Variants in PDE8B observed in about 807,000 individuals in gnomAD.
PDE8B encodes high affinity cAMP-specific and IBMX-insensitive 3',5'-cyclic phosphodiesterase 8B.
PDE8B carries 26 observed loss-of-function variants against 101.3 expected under a neutral mutation model. The ratio of observed to expected loss-of-function variants is 0.26; its 90% CI spans 0.19 to 0.36. PDE8B has a LOEUF of 0.36. Among genes scored for constraint, PDE8B ranks in the 10% least tolerant of loss-of-function variants. The probability of loss-of-function intolerance (pLI) is 1.00; values close to 1 mark genes in which losing one functional copy is unlikely to be tolerated. For synonymous variants in PDE8B, 424 were observed against 429.3 expected (o/e 0.99, Z 0.15); for missense variants, 810 against 1,163.1 (o/e 0.70, Z 4.42).
At position 77,211,703 on chromosome 5, in the gene PDE8B, A is replaced by G. The variant is rs933934732; in HGVS notation, c.339+439A>G. On this transcript the variant is annotated intron_variant, in intron 1 of 21. Coordinates refer to ENST00000264917, the MANE Select transcript of PDE8B (RefSeq NM_003719.5). The surrounding 1 kb of genome is among the most constrained non-coding windows in gnomAD (Gnocchi z 4.1). ...GTGCAGTTGCAGCACCAGGATAGATAGTGCCCCATATTCCGATTTTTACCT... is the reference window on the plus strand; with the variant it reads ...GTGCAGTTGCAGCACCAGGATAGATGGTGCCCCATATTCCGATTTTTACCT... Among the ~76,000 whole-genome samples, 1 of 152,230 alleles carries G rather than the reference A, an allele frequency of 6.6e-6. No individual in the cohort carries two copies. Among genetic ancestry groups the G allele is most frequent in the Non-Finnish European group, 1.5e-5 (1 of 68,044 alleles).
chr5:77,366,418 C>T (rs2150613969), intron 10 of PDE8B, among the ~76,000 whole-genome samples: 1 of 152,266 alleles, frequency 6.6e-6, no homozygotes, highest in South Asian at 2.1e-4. Flanking sequence ...AAGCATGTGC[C>T]AGTGTATCAC....
the PDE8B span, chr5:77,087,421 T>C: frequency 6.6e-6 from 1 of 152,260 alleles, no homozygotes; most frequent in African/African-American, 2.4e-5. Context: ...TTTACAACTT[T>C]GCATTAACCT....
the PDE8B span, among the ~76,000 whole-genome samples, chr5:77,199,381 C>G: frequency 6.6e-6 from 1 of 152,206 alleles, no homozygotes; most frequent in African/African-American, 2.4e-5. Context: ...ATCTTAAATA[C>G]TAGCTTGATT....
intron 10 of PDE8B, chr5:77,358,496 T>C (rs757095898): frequency 8.4e-6 from 8 of 952,960 alleles, no homozygotes; most frequent in Non-Finnish European, 1.0e-5. Flanking sequence ...GTTATGCCTC[T>C]TCGTACTTCC....
chr5:77,365,549 G>C (rs1783960897), intron 10 of PDE8B, among the ~76,000 whole-genome samples: 1 of 152,184 alleles, frequency 6.6e-6, no homozygotes, highest in South Asian at 2.1e-4. Context: ...CTGTCTCCTA[G>C]GTCCTGGCAC....
the PDE8B span, among the ~76,000 whole-genome samples, chr5:77,193,962 T>C: frequency 1.3e-5 from 2 of 152,208 alleles, no homozygotes; most frequent in Non-Finnish European, 2.9e-5. Context: ...TAGAATACAA[T>C]TGACTTTTGT....
At chr5:77,407,292 C>A in intron 12 of PDE8B, 89 bp from the exon 13 acceptor site, 2 of 942,342 alleles carry the variant, frequency 2.1e-6, no homozygotes, top group Non-Finnish European at 3.5e-6. Flanking sequence ...CTGTGAGAAG[C>A]GGGCCCTGGT....
the PDE8B span, among the ~76,000 whole-genome samples, chr5:77,201,176 A>G: frequency 2.6e-5 from 4 of 152,224 alleles, no homozygotes; most frequent in African/African-American, 9.6e-5. Flanking sequence ...GACTTTAGCA[A>G]TCCAGACATG....
At chr5:77,115,137 A>T in the PDE8B span, 1 of 152,016 alleles carries the variant, frequency 6.6e-6, no homozygotes, top group Admixed American at 6.5e-5. Context: ...GTAGTGATAA[A>T]GAGAAAGAGA....
chr5:77,336,927 A>G (rs1175292967), intron 5 of PDE8B, among the ~76,000 whole-genome samples: 1 of 152,240 alleles, frequency 6.6e-6, no homozygotes, highest in African/African-American at 2.4e-5. Flanking sequence ...AATATGAAGC[A>G]AAGTGTTTCA....
At chr5:77,235,258 A>G (rs1561390585) in intron 1 of PDE8B, among the ~76,000 whole-genome samples, 1 of 152,254 alleles carries the variant, frequency 6.6e-6, no homozygotes, top group Admixed American at 6.5e-5. Context: ...GGGAAACATG[A>G]AAATGGGAGC....
chr5:77,299,835 G>A (rs966746080), intron 1 of PDE8B, among the ~76,000 whole-genome samples: 3 of 152,158 alleles, frequency 2.0e-5, no homozygotes, highest in African/African-American at 7.2e-5. Context: ...CTAGATCCCT[G>A]AGGAATCGCC....
At chr5:77,350,518 C>T (rs919818186) in intron 8 of PDE8B, among the ~76,000 whole-genome samples, 1 of 152,148 alleles carries the variant, frequency 6.6e-6, no homozygotes, top group African/African-American at 2.4e-5. Context: ...ATACTCTCCC[C>T]TTGGCCTCTT....
the PDE8B span, among the ~76,000 whole-genome samples, chr5:77,192,493 G>T: frequency 2.0e-5 from 3 of 152,192 alleles, no homozygotes; most frequent in South Asian, 6.2e-4. Context: ...ATGCTGTTGT[G>T]TATATCAGTA....
chr5:77,253,417 A>C (rs570943043), intron 1 of PDE8B, among the ~76,000 whole-genome samples: 21 of 152,272 alleles, frequency 1.4e-4, no homozygotes, highest in African/African-American at 5.1e-4. Flanking sequence ...TTGGATTCCA[A>C]ATTCCTGTCT....
intron 10 of PDE8B, among the ~76,000 whole-genome samples, chr5:77,381,458 A>G (rs1395581753): frequency 2.0e-5 from 3 of 152,174 alleles, no homozygotes; most frequent in South Asian, 4.1e-4. Context: ...TGACTCAGAC[A>G]TTTCTACCAA....
At chr5:77,412,367 G>A (rs1240155646) in intron 16 of PDE8B, 132 bp downstream of exon 16, 4 of 852,130 alleles carry the variant, frequency 4.7e-6, no homozygotes, top group Admixed American at 1.9e-5. Context: ...TGCCATGTTA[G>A]AGTAGTGTTG....
the PDE8B span, among the ~76,000 whole-genome samples, chr5:77,127,107 A>C: frequency 6.6e-6 from 1 of 152,106 alleles, no homozygotes; most frequent in African/African-American, 2.4e-5. Flanking sequence ...CAACATCCTC[A>C]AGATCCACTT....
chr5:77,424,794 C>G (rs185605383), intron 20 of PDE8B, among the ~76,000 whole-genome samples: 29 of 151,014 alleles, frequency 1.9e-4, no homozygotes, highest in African/African-American at 6.3e-4. Context: ...AGGTAATTCT[C>G]AAGTGAAACT....
Sources: gnomAD v4.1 joint callset for allele counts (sites outside exome capture counted in the v4.1 genomes callset) on GRCh38, gnomAD v4.1.1 for gene constraint, Gnocchi (gnomAD v3.1) non-coding constraint, MANE v1.5 for transcripts, NCBI Gene and HGNC (gene_info 2026-07-23, HGNC 2026-07-21) for gene names.